The following CEP128 variants were observed in gnomAD, a reference collection of about 807,000 sequenced individuals.
CEP128 encodes the protein centrosomal protein 128kDa.
Under a neutral mutation model 156.7 loss-of-function variants are expected in CEP128, and 132 were observed. The observed-to-expected ratio is 0.84, with a 90% CI of 0.73 to 0.97. The LOEUF is 0.97. Among genes scored for constraint, CEP128 ranks in the 50% least tolerant of loss-of-function variants. The pLI is 0.00. For synonymous variants in CEP128, 469 were observed against 448.9 expected, an observed-to-expected ratio of 1.04 and a Z score of -0.57; for missense variants, 1,252 against 1,281.9, an observed-to-expected ratio of 0.98 and a Z score of 0.36.
intron 2 of CEP128, among the ~76,000 whole-genome samples, chr14:80,953,219 T>C (rs1475249178): frequency 1.3e-5 from 2 of 152,246 alleles, no homozygotes; most frequent in African/African-American, 2.4e-5. Context: ...AACAGACTAC[T>C]ATCCCTTGTG....
chr14:80,614,502 C>A (rs780982497), intron 19 of CEP128, among the ~76,000 whole-genome samples: 1 of 152,056 alleles, frequency 6.6e-6, no homozygotes, highest in African/African-American at 2.4e-5. Context: ...TTAATATATC[C>A]TTTAACTTTT....
intron 18 of CEP128, among the ~76,000 whole-genome samples, chr14:80,753,042 A>C (rs1431016522): frequency 1.3e-5 from 2 of 152,194 alleles, no homozygotes; most frequent in Admixed American, 6.5e-5. Flanking sequence ...TACCAAATAA[A>C]ACCAGTACTT....
At chr14:80,916,164 T>C (rs983321467) in intron 3 of CEP128, among the ~76,000 whole-genome samples, 1 of 152,120 alleles carries the variant, frequency 6.6e-6, no homozygotes, top group Non-Finnish European at 1.5e-5. Context: ...GGCAAGGCAA[T>C]AGATTTTTCC....
chr14:80,735,394 G>T (rs546232819), intron 19 of CEP128, among the ~76,000 whole-genome samples: 9 of 152,000 alleles, frequency 5.9e-5, no homozygotes. Context: ...AAAATACCAC[G>T]TTTCGCACAT....
Position 80,862,851 on chromosome 14 carries a change from C to T in CEP128, c.668G>A (p.Arg223Gln), listed in dbSNP as rs373339775. ...CATCTCTCTCTCCAGTTCCTGAAGC[C>T]GCCGCTCCACCCGATCTGAAACCTT... ...QEVVSDRVER[R>Q]LQELEREMRT... Residue 223 changes from arginine to glutamine, a missense_variant, in exon 9 of 25, where the codon CGG becomes CAG. Coordinates refer to ENST00000555265, the MANE Select transcript of CEP128 (RefSeq NM_152446.5). 5.0e-6 allele frequency: 8 copies of T among 1,613,650 alleles called. No individual in the cohort carries two copies. Among genetic ancestry groups the T allele is most frequent in the African/African-American group, 4.0e-5 (3 of 74,880 alleles).
intron 8 of CEP128, among the ~76,000 whole-genome samples, chr14:80,876,357 G>A (rs1416558747): frequency 1.3e-5 from 2 of 152,086 alleles, no homozygotes; most frequent in Non-Finnish European, 2.9e-5. Flanking sequence ...CAGCACTTTG[G>A]GAGGCCAAGG....
chr14:80,628,741 C>T (rs1002372088), intron 19 of CEP128, among the ~76,000 whole-genome samples: 4 of 152,142 alleles, frequency 2.6e-5, no homozygotes, highest in East Asian at 1.9e-4. Flanking sequence ...GATTAGGTAA[C>T]TCAAGCAGCA....
At chr14:80,823,988 A>C (rs1595459372) in intron 13 of CEP128, among the ~76,000 whole-genome samples, 1 of 152,326 alleles carries the variant, frequency 6.6e-6, no homozygotes, top group African/African-American at 2.4e-5. Flanking sequence ...GCATCCAGGC[A>C]TTTGCATACA....
intron 19 of CEP128, among the ~76,000 whole-genome samples, chr14:80,740,449 TACACACACACAC>T (rs58752743): frequency 1.5e-4 from 22 of 146,188 alleles, no homozygotes; most frequent in Admixed American, 1.1e-3. Flanking sequence ...TATATACACA[TACACACACACAC>T]ACACACACAC....
downstream of CEP128, among the ~76,000 whole-genome samples, chr14:80,487,764 T>G (rs1887201486): frequency 1.3e-5 from 2 of 152,266 alleles, no homozygotes; most frequent in East Asian, 3.9e-4. Context: ...AACAACCTGC[T>G]CCTGAATGAC....
chr14:80,624,937 C>G (rs1893645781), intron 19 of CEP128, among the ~76,000 whole-genome samples: 1 of 152,122 alleles, frequency 6.6e-6, no homozygotes, highest in Non-Finnish European at 1.5e-5. Context: ...TCCGTTTTGT[C>G]TATTTCTGCT....
upstream of CEP128, among the ~76,000 whole-genome samples, chr14:80,943,329 G>A (rs1287033981): frequency 3.9e-5 from 6 of 152,192 alleles, no homozygotes; most frequent in Non-Finnish European, 8.8e-5. Context: ...ATACTGCATA[G>A]GTTTGTATGG....
intron 22 of CEP128, among the ~76,000 whole-genome samples, chr14:80,528,048 C>T (rs561777883): frequency 2.6e-5 from 4 of 151,746 alleles, no homozygotes; most frequent in South Asian, 4.2e-4. Context: ...CCTCAAAGTC[C>T]CAAGAAACCT....
chr14:80,678,064 G>GTATATATATATATATATATGTA (rs1274703937), intron 19 of CEP128, among the ~76,000 whole-genome samples: 17 of 27,454 alleles, frequency 6.2e-4, no homozygotes, highest in African/African-American at 1.6e-3. Flanking sequence ...ATATATATAT[G>GTATATATATATATATATATGTA]TATATATATA....
chr14:80,834,070 G>A (rs1185225878), intron 12 of CEP128, among the ~76,000 whole-genome samples: 1 of 152,140 alleles, frequency 6.6e-6, no homozygotes, highest in African/African-American at 2.4e-5. Context: ...CCAATGGTTA[G>A]GAGAGCAAAT....
chr14:80,939,890 C>T (rs1015997415), intron 1 of CEP128, among the ~76,000 whole-genome samples: 16 of 152,214 alleles, frequency 1.1e-4, no homozygotes, highest in African/African-American at 2.7e-4. Context: ...TAACATGTTA[C>T]TGCTGAATGT....
At chr14:80,899,868 G>T in intron 7 of CEP128, 70 bp downstream of exon 7, 2 of 1,070,456 alleles carry the variant, frequency 1.9e-6, no homozygotes, top group Non-Finnish European at 2.8e-6. Flanking sequence ...AGATAAATAT[G>T]TCAATTACAG....
chr14:80,700,467 G>T (rs1897036827), intron 19 of CEP128, among the ~76,000 whole-genome samples: 1 of 152,010 alleles, frequency 6.6e-6, no homozygotes, highest in African/African-American at 2.4e-5. Context: ...AATAGGAAAG[G>T]GGGGATGGTA....
chr14:80,699,453 G>C (rs1236219654), intron 19 of CEP128, among the ~76,000 whole-genome samples: 1 of 152,084 alleles, frequency 6.6e-6, no homozygotes, highest in Non-Finnish European at 1.5e-5. Flanking sequence ...ACTCTCCCAA[G>C]GACACAAGTA....
Sources: allele counts gnomAD v4.1 joint callset (sites outside exome capture counted in the v4.1 genomes callset), GRCh38; gene constraint gnomAD v4.1.1; transcripts MANE v1.5; gene names NCBI Gene and HGNC (gene_info 2026-07-23, HGNC 2026-07-21).